Variants in STPG2 observed in about 807,000 individuals in gnomAD.
STPG2 encodes sperm tail PG-rich repeat containing 2.
A neutral mutation model predicts 54.2 loss-of-function variants in STPG2; 56 were observed. That is an observed-to-expected ratio of 1.03 (90% CI 0.83 to 1.29). The LOEUF is 1.29. STPG2 is among the 50% of genes most tolerant of loss of function. STPG2 has a pLI of 0.00. For missense variants in STPG2, 596 were observed against 544.9 expected, an observed-to-expected ratio of 1.09 and a Z score of -0.93; for synonymous variants, 200 against 181.8, an observed-to-expected ratio of 1.10 and a Z score of -0.81.
At chr4:97,955,213 AT>A (rs140086064) in intron 7 of STPG2, among the ~76,000 whole-genome samples, 23,296 of 137,302 alleles carry the variant, frequency 0.17, 2,066 homozygotes, top group Admixed American at 0.27. Flanking sequence ...ATACAGAAGA[AT>A]TTTTTTTTTT....
chr4:98,021,839 C>A (rs1736212302), intron 5 of STPG2, among the ~76,000 whole-genome samples: 1 of 151,818 alleles, frequency 6.6e-6, no homozygotes, highest in African/African-American at 2.4e-5. Context: ...AGGATTGCAA[C>A]CCCTGCCTTT....
intron 7 of STPG2, among the ~76,000 whole-genome samples, chr4:97,967,711 A>C (rs1734159477): frequency 6.6e-6 from 1 of 152,232 alleles, no homozygotes; most frequent in African/African-American, 2.4e-5. Flanking sequence ...AAACTCACTC[A>C]AAACCGCACA....
At chr4:97,784,729 A>T (rs112571416) in intron 9 of STPG2, among the ~76,000 whole-genome samples, 2,781 of 152,060 alleles carry the variant, frequency 0.018, 77 homozygotes, top group African/African-American at 0.063. Flanking sequence ...AACACTAAAA[A>T]TTAACATAGA....
At chr4:97,524,032 T>C (rs1050943217) in intron 4 of STPG2, among the ~76,000 whole-genome samples, 2 of 151,886 alleles carry the variant, frequency 1.3e-5, no homozygotes, top group Non-Finnish European at 2.9e-5. Context: ...AGACTTTTGC[T>C]GATCAGGCAT....
intron 4 of STPG2, among the ~76,000 whole-genome samples, chr4:97,516,518 A>G (rs1731078963): frequency 1.3e-5 from 2 of 152,026 alleles, no homozygotes; most frequent in African/African-American, 2.4e-5. Flanking sequence ...CACTTATAAG[A>G]AATTATTTTT....
At chr4:97,776,415 T>C (rs1177600246) in intron 9 of STPG2, among the ~76,000 whole-genome samples, 2 of 152,216 alleles carry the variant, frequency 1.3e-5, no homozygotes, top group African/African-American at 4.8e-5. Flanking sequence ...CAACTCATTA[T>C]GCTTCCCCTC....
At chr4:97,548,191 A>T (rs1226597312) in intron 4 of STPG2, among the ~76,000 whole-genome samples, 1 of 152,100 alleles carries the variant, frequency 6.6e-6, no homozygotes, top group Non-Finnish European at 1.5e-5. Flanking sequence ...AGTAGTCTGC[A>T]CAGACTCCTC....
At chr4:97,683,456 C>T (rs1372889293) in intron 10 of STPG2, among the ~76,000 whole-genome samples, 1 of 151,754 alleles carries the variant, frequency 6.6e-6, no homozygotes, top group African/African-American at 2.4e-5. Context: ...GTAAATACCA[C>T]TAGTGTGATT....
rs80242752 is a variant in STPG2 at position 97,891,831 on chromosome 4, G to T, written c.1045-50899C>A. On this transcript the variant is annotated intron_variant, in intron 8 of 10. Coordinates refer to ENST00000295268, the MANE Select transcript of STPG2 (RefSeq NM_174952.3). ...ACTATAATACAGCAATATTTCATTT[G>T]AATGGAAAGAACAATAAATTTAATT... Among the ~76,000 whole-genome samples the T allele has an allele frequency of 2.5e-3, 383 of 152,170 alleles. 2 individuals are homozygous for T. Among genetic ancestry groups the T allele is most frequent in the African/African-American group, 9.0e-3 (373 of 41,538 alleles).
At chr4:97,549,733 G>A (rs890115770) in intron 4 of STPG2, among the ~76,000 whole-genome samples, 1 of 152,160 alleles carries the variant, frequency 6.6e-6, no homozygotes, top group African/African-American at 2.4e-5. Context: ...AGAGACTGGA[G>A]TTATGTTTCC....
chr4:97,741,773 A>C (rs1358015990), intron 9 of STPG2, among the ~76,000 whole-genome samples: 10 of 151,950 alleles, frequency 6.6e-5, no homozygotes, highest in South Asian at 4.1e-4. Context: ...GTGGGACTGT[A>C]AACTAGTTCA....
intron 4 of STPG2, among the ~76,000 whole-genome samples, chr4:97,497,362 A>G (rs190542376): frequency 0.014 from 2,131 of 152,008 alleles, 44 homozygotes; most frequent in African/African-American, 0.049. Context: ...ATTATGTTAC[A>G]TAAACAAAAT....
intron 8 of STPG2, among the ~76,000 whole-genome samples, chr4:97,926,999 C>A (rs1578698866): frequency 2.0e-5 from 3 of 152,176 alleles, no homozygotes; most frequent in African/African-American, 7.2e-5. Flanking sequence ...GTTATCCTTA[C>A]TTAATAGTTA....
intron 9 of STPG2, among the ~76,000 whole-genome samples, chr4:97,795,944 T>C (rs1329359058): frequency 6.6e-6 from 1 of 152,246 alleles, no homozygotes; most frequent in Non-Finnish European, 1.5e-5. Context: ...ATTTCCCTGA[T>C]GGCCAGTGAT....
intron 4 of STPG2, among the ~76,000 whole-genome samples, chr4:97,450,628 T>A (rs1284208288): frequency 6.6e-6 from 1 of 152,016 alleles, no homozygotes; most frequent in Non-Finnish European, 1.5e-5. Flanking sequence ...CAGGCAAAGA[T>A]CCTGTAGCAT....
chr4:97,588,108 T>G (rs1733045197), intron 10 of STPG2, among the ~76,000 whole-genome samples: 1 of 152,000 alleles, frequency 6.6e-6, no homozygotes, highest in South Asian at 2.1e-4. Context: ...CCAATCATGG[T>G]GACTCACGCC....
chr4:98,018,321 T>C (rs1288374412), intron 5 of STPG2, among the ~76,000 whole-genome samples: 3 of 152,166 alleles, frequency 2.0e-5, no homozygotes, highest in South Asian at 4.1e-4. Flanking sequence ...TCCAGTTTCA[T>C]CCATGTCCCT....
At chr4:97,750,911 A>G (rs1173972638) in intron 9 of STPG2, among the ~76,000 whole-genome samples, 1 of 151,776 alleles carries the variant, frequency 6.6e-6, no homozygotes, top group Non-Finnish European at 1.5e-5. Context: ...TACTTTCACC[A>G]TGTCTTTCCT....
chr4:97,502,939 G>A (rs905115487), intron 4 of STPG2, among the ~76,000 whole-genome samples: 5 of 151,674 alleles, frequency 3.3e-5, no homozygotes, highest in African/African-American at 9.7e-5. Flanking sequence ...ATTGAAGCTC[G>A]AAGCCTAGAT....
Sources: allele counts gnomAD v4.1 joint callset (sites outside exome capture counted in the v4.1 genomes callset), GRCh38; gene constraint gnomAD v4.1.1; transcripts MANE v1.5; gene names NCBI Gene and HGNC (gene_info 2026-07-23, HGNC 2026-07-21).